RAB6A: variants seen among roughly 807,000 people sequenced by gnomAD.
The protein encoded by RAB6A is RAB6A, member RAS oncogene family.
RAB6A carries 8 observed loss-of-function variants against 32.3 expected under a neutral mutation model. The observed-to-expected ratio is 0.25, with a 90% CI of 0.15 to 0.45. The LOEUF is 0.45. Among genes scored for constraint, RAB6A ranks in the 20% least tolerant of loss-of-function variants. The pLI is 1.00. For missense variants in RAB6A, 104 were observed against 249.4 expected (o/e 0.42, Z 3.93); for synonymous variants, 73 against 82.1 (o/e 0.89, Z 0.60).
chr11:73,724,736 T>C lies in RAB6A; in HGVS notation c.130-3837A>G, dbSNP rs536892604. Among the ~76,000 whole-genome samples, 10 of 152,226 alleles carry C rather than the reference T, an allele frequency of 6.6e-5. No individual in the cohort carries two copies. The South Asian group carries it at 1.9e-3, about 28-fold the overall frequency. On this transcript the variant is annotated intron_variant, in intron 2 of 7. Transcript: ENST00000336083. ...CTCCAGACCTTGTGATCCGCCCGCC[T>C]TGGCCTCCCGAAGTGCTGGGATTAC... is the stretch of plus-strand genomic sequence containing the variant.
intron 6 of RAB6A, among the ~76,000 whole-genome samples, chr11:73,688,479 A>T (rs901181980): frequency 1.1e-4 from 16 of 152,210 alleles, no homozygotes; most frequent in African/African-American, 3.6e-4. Flanking sequence ...ACAATGAATT[A>T]GTCTCTGTGT....
chr11:73,693,819 A>C (rs917106862), intron 6 of RAB6A, among the ~76,000 whole-genome samples: 1 of 151,812 alleles, frequency 6.6e-6, no homozygotes, highest in South Asian at 2.1e-4. Flanking sequence ...TGGAGGCTAC[A>C]GTGAGTTATG....
rs987571298 is a variant in RAB6A at position 73,750,348 on chromosome 11, CTTTT to C, written c.70+10214_70+10217del. 4.2e-5 allele frequency among the ~76,000 whole-genome samples: 6 copies of C among 144,386 alleles called. No individual in the cohort carries two copies. In the East Asian group the frequency reaches 1.2e-3, roughly 29 times the overall value. 94.7% of individuals were successfully genotyped at this position (144,386 alleles called of 152,430 possible). A position where few individuals can be genotyped will look rare whatever the true frequency, so the allele number is the denominator to read the frequency against. ...TGTAGCATGTGTCAGATTTCCTTCC[CTTTT>C]TTTTTTTTTTCTTTTGAGACAGAGT... On this transcript the variant is annotated intron_variant, in intron 1 of 7. Transcript: ENST00000336083.
intron 6 of RAB6A, among the ~76,000 whole-genome samples, chr11:73,692,868 G>A (rs1565349127): frequency 6.6e-6 from 1 of 151,852 alleles, no homozygotes; most frequent in South Asian, 2.1e-4. Flanking sequence ...GGCTGAGGCA[G>A]GAGAATGGCG....
intron 6 of RAB6A, among the ~76,000 whole-genome samples, chr11:73,703,932 A>G (rs1590843190): frequency 6.6e-6 from 1 of 150,742 alleles, no homozygotes; most frequent in African/African-American, 2.4e-5. Flanking sequence ...TGGGAGGCTG[A>G]GGCAGGAGAA....
intron 2 of RAB6A, among the ~76,000 whole-genome samples, chr11:73,726,489 G>A (rs1946223097): frequency 7.0e-6 from 1 of 143,052 alleles, no homozygotes; most frequent in Admixed American, 7.6e-5. Context: ...GGCTGAGGCA[G>A]GAGAATGGCG....
chr11:73,705,235 C>T (rs904060663), intron 6 of RAB6A, among the ~76,000 whole-genome samples: 5 of 151,984 alleles, frequency 3.3e-5, no homozygotes, highest in African/African-American at 4.8e-5. Context: ...TAGCTCACAC[C>T]CTTATCAAAA....
intron 1 of RAB6A, among the ~76,000 whole-genome samples, chr11:73,738,558 A>G (rs900873816): frequency 2.0e-5 from 3 of 152,204 alleles, no homozygotes; most frequent in African/African-American, 7.2e-5. Context: ...AGGTTGAGGC[A>G]GGAAGATTCA....
intron 6 of RAB6A, among the ~76,000 whole-genome samples, chr11:73,704,683 C>CA (rs1388889102): frequency 6.8e-6 from 1 of 146,038 alleles, no homozygotes; most frequent in East Asian, 2.1e-4. Context: ...GACTCCATCT[C>CA]AAAAAAAATA....
rs576954360 is a variant in RAB6A, at chr11:73,688,172, T to A, written c.496-8452A>T. On this transcript the variant is annotated intron_variant, in intron 6 of 7. Coordinates refer to ENST00000336083, the MANE Select transcript of RAB6A (RefSeq NM_198896.2). Reference sequence around the variant, plus strand: ...TCTCTGCAATTATGTATATCTCTTATCATTCTTTGTCAAATTTTCACTTTA... The same window carrying A: ...TCTCTGCAATTATGTATATCTCTTAACATTCTTTGTCAAATTTTCACTTTA... Among the ~76,000 whole-genome samples the A allele has an allele frequency of 2.6e-5, 4 of 152,256 alleles. No homozygotes were observed. In the South Asian group the frequency reaches 6.2e-4, roughly 24 times the overall value.
chr11:73,757,349 G>A (rs543938828), intron 1 of RAB6A, among the ~76,000 whole-genome samples: 45 of 148,998 alleles, frequency 3.0e-4, no homozygotes, highest in Middle Eastern at 3.5e-3. Context: ...GCCATGGGGT[G>A]GGGGGGAGCC....
At position 73,723,177 on chromosome 11, in the gene RAB6A, A is replaced by G. The variant is rs76011453; in HGVS notation, c.130-2278T>C. On this transcript the variant is annotated intron_variant, in intron 2 of 7. Coordinates refer to ENST00000336083, the MANE Select transcript of RAB6A (RefSeq NM_198896.2). ...TAAGGTACTAGAGTGATGAACAAAC[A>G]TGCAGTTAGTCTCTACCCAAATTGG... Among the ~76,000 whole-genome samples the G allele has an allele frequency of 2.0e-5, 3 of 152,258 alleles. No individual in the cohort carries two copies. The East Asian group carries it at 5.8e-4, about 29-fold the overall frequency.
intron 1 of RAB6A, among the ~76,000 whole-genome samples, chr11:73,750,781 T>C (rs1038520193): frequency 6.6e-6 from 1 of 152,222 alleles, no homozygotes; most frequent in African/African-American, 2.4e-5. Flanking sequence ...AATGCTACTA[T>C]GAGTATGGGG....
At chr11:73,705,793 A>AGAGAGAGAGAGAGG (rs1945831375) in intron 6 of RAB6A, among the ~76,000 whole-genome samples, 2 of 151,536 alleles carry the variant, frequency 1.3e-5, no homozygotes, top group Non-Finnish European at 2.9e-5. Flanking sequence ...AGAGAGAGAG[A>AGAGAGAGAGAGAGG]GAGAGAGAGA....
chr11:73,740,964 T>C (rs1005568882), intron 1 of RAB6A, among the ~76,000 whole-genome samples: 8 of 152,238 alleles, frequency 5.3e-5, no homozygotes, highest in African/African-American at 1.7e-4. Context: ...TGTGGTTGTA[T>C]AGAAAATTTG....
chr11:73,692,788 C>CAAAAAAAAAA (rs140762210), intron 6 of RAB6A, among the ~76,000 whole-genome samples: 51 of 98,084 alleles, frequency 5.2e-4, no homozygotes, highest in Non-Finnish European at 6.7e-4. Flanking sequence ...ACTAAAAATA[C>CAAAAAAAAAA]AAAAAAAAAA....
At chr11:73,740,663 CG>C (rs1231174828) in intron 1 of RAB6A, among the ~76,000 whole-genome samples, 5 of 151,602 alleles carry the variant, frequency 3.3e-5, no homozygotes, top group African/African-American at 1.2e-4. Context: ...CCAAGGCAGG[CG>C]GATCACCTGA....
At chr11:73,706,876 G>C (rs957158147) in intron 6 of RAB6A, among the ~76,000 whole-genome samples, 75 of 152,136 alleles carry the variant, frequency 4.9e-4, no homozygotes, top group Non-Finnish European at 5.9e-5. Flanking sequence ...CCAGCACTTT[G>C]GGAGGCCAAG....
At chr11:73,714,104 A>T (rs1028715312) in intron 5 of RAB6A, among the ~76,000 whole-genome samples, 1 of 149,948 alleles carries the variant, frequency 6.7e-6, no homozygotes, top group African/African-American at 2.5e-5. Flanking sequence ...AGGCAGGAGA[A>T]TCACTTAAGC....
Sources: gnomAD v4.1 joint callset for allele counts (sites outside exome capture counted in the v4.1 genomes callset) on GRCh38, gnomAD v4.1.1 for gene constraint, MANE v1.5 for transcripts, NCBI Gene and HGNC (gene_info 2026-07-23, HGNC 2026-07-21) for gene names.